GRIP1: variants seen among roughly 807,000 people sequenced by gnomAD.
GRIP1 encodes the protein glutamate receptor-interacting protein 1.
GRIP1 carries 45 observed loss-of-function variants against 129.9 expected under a neutral mutation model. The ratio of observed to expected loss-of-function variants is 0.35; its 90% CI spans 0.27 to 0.44. The LOEUF (loss-of-function observed/expected upper bound fraction) is 0.44, where lower values mean the gene tolerates loss of function less well. GRIP1 is among the 20% of genes least tolerant of loss of function. The probability of loss-of-function intolerance (pLI) is 1.00; values close to 1 mark genes in which losing one functional copy is unlikely to be tolerated. For synonymous variants in GRIP1, 530 were observed against 520.8 expected (o/e 1.02, Z -0.24); for missense variants, 1,196 against 1,396.8 (o/e 0.86, Z 2.29).
Position 66,954,845 on chromosome 12 carries a change from G to C in GRIP1, c.58+114205C>G, listed in dbSNP as rs576011928. On this transcript the variant is annotated intron_variant, in intron 1 of 1. Coordinates refer to the GRIP1 transcript ENST00000643019. ...TTTATTAGAAGGAGATACGTGCTAT[G>C]GGGGAGGCAGTGGGGGTGCAAGGAG... 6.4e-4 allele frequency among the ~76,000 whole-genome samples: 97 copies of C among 152,172 alleles called. 1 individual carries two copies. Among genetic ancestry groups the C allele is most frequent in the Non-Finnish European group, 1.1e-3 (75 of 68,008 alleles).
chr12:66,899,194 C>T (rs905818219), intron 1 of GRIP1, among the ~76,000 whole-genome samples: 4 of 152,006 alleles, frequency 2.6e-5, no homozygotes, highest in Non-Finnish European at 5.9e-5. Flanking sequence ...TTAGCAGTCC[C>T]ATAGAAAGTT....
At chr12:67,019,050 A>G (rs1369562650) in intron 1 of GRIP1, among the ~76,000 whole-genome samples, 1 of 152,158 alleles carries the variant, frequency 6.6e-6, no homozygotes, top group African/African-American at 2.4e-5. Flanking sequence ...AGGTTTTTTC[A>G]CAAAACAGGT....
intron 7 of GRIP1, among the ~76,000 whole-genome samples, chr12:66,480,371 T>C (rs1279885865): frequency 1.3e-5 from 2 of 152,128 alleles, no homozygotes; most frequent in Non-Finnish European, 2.9e-5. Flanking sequence ...GAAGGACCTC[T>C]TCAAGGAGAA....
At chr12:66,831,866 T>C (rs1216975536) in intron 1 of GRIP1, among the ~76,000 whole-genome samples, 1 of 152,216 alleles carries the variant, frequency 6.6e-6, no homozygotes, top group Non-Finnish European at 1.5e-5. Flanking sequence ...TAAAAACTAA[T>C]TGAGTTACAC....
chr12:66,697,978 A>C (rs759048694), intron 1 of GRIP1, among the ~76,000 whole-genome samples: 5 of 152,220 alleles, frequency 3.3e-5, no homozygotes, highest in Non-Finnish European at 5.9e-5. Context: ...TGTATTCTAC[A>C]ACTAGAAAAA....
At chr12:66,760,475 C>T (rs757546354) in intron 1 of GRIP1, among the ~76,000 whole-genome samples, 1 of 152,120 alleles carries the variant, frequency 6.6e-6, no homozygotes, top group Non-Finnish European at 1.5e-5. Context: ...GCACTTCTTA[C>T]GTGGCGGTGG....
chr12:66,749,814 A>C (rs1394372800), intron 1 of GRIP1, among the ~76,000 whole-genome samples: 1 of 152,174 alleles, frequency 6.6e-6, no homozygotes, highest in Admixed American at 6.6e-5. Flanking sequence ...AATTCCCCGG[A>C]GATGTCAGAG....
At chr12:66,962,022 C>T (rs1224575743) in intron 1 of GRIP1, among the ~76,000 whole-genome samples, 1 of 152,052 alleles carries the variant, frequency 6.6e-6, no homozygotes, top group Non-Finnish European at 1.5e-5. Flanking sequence ...CATAAATAGG[C>T]CAGTTTTGCC....
At chr12:66,623,003 C>T (rs2065342637) in intron 1 of GRIP1, among the ~76,000 whole-genome samples, 1 of 152,144 alleles carries the variant, frequency 6.6e-6, no homozygotes, top group Admixed American at 6.6e-5. Flanking sequence ...TCCATGAGGA[C>T]ATTGAGCATG....
intron 16 of GRIP1, among the ~76,000 whole-genome samples, chr12:66,398,625 A>G (rs987292001): frequency 6.6e-6 from 1 of 151,954 alleles, no homozygotes; most frequent in African/African-American, 2.4e-5. Context: ...CATTCTTCTG[A>G]TGTTTCTAAA....
At chr12:67,016,158 G>A (rs1393534827) in intron 1 of GRIP1, among the ~76,000 whole-genome samples, 1 of 152,168 alleles carries the variant, frequency 6.6e-6, no homozygotes, top group Non-Finnish European at 1.5e-5. Context: ...AAAACACTCT[G>A]CTTCATAGCC....
At chr12:66,827,804 T>A (rs889865950) in intron 1 of GRIP1, among the ~76,000 whole-genome samples, 2 of 152,244 alleles carry the variant, frequency 1.3e-5, no homozygotes, top group African/African-American at 4.8e-5. Context: ...TTGAAATTAC[T>A]GCAAAAATTA....
chr12:67,042,698 GA>G (rs1327217250), intron 1 of GRIP1, among the ~76,000 whole-genome samples: 1 of 152,154 alleles, frequency 6.6e-6, no homozygotes, highest in Non-Finnish European at 1.5e-5. Context: ...CAGGACTGAG[GA>G]CAATTTAGTG....
chr12:66,995,235 A>G (rs2135661111), intron 1 of GRIP1, among the ~76,000 whole-genome samples: 1 of 152,174 alleles, frequency 6.6e-6, no homozygotes, highest in East Asian at 1.9e-4. Context: ...AGCTAAAACT[A>G]TAAAACTCAT....
intron 1 of GRIP1, among the ~76,000 whole-genome samples, chr12:66,892,574 T>G (rs1875834): frequency 0.4 from 60,410 of 151,410 alleles, 12,731 homozygotes; most frequent in East Asian, 0.67. Context: ...CTCTTTTCAT[T>G]TACTCACTTA....
At chr12:66,630,833 T>C (rs917951197) in intron 1 of GRIP1, among the ~76,000 whole-genome samples, 4 of 152,206 alleles carry the variant, frequency 2.6e-5, no homozygotes, top group South Asian at 2.1e-4. Flanking sequence ...TGAGATTACA[T>C]TGTAGAGAAG....
chr12:66,577,525 A>C (rs1232702580), intron 2 of GRIP1, among the ~76,000 whole-genome samples: 1 of 152,200 alleles, frequency 6.6e-6, no homozygotes, highest in Non-Finnish European at 1.5e-5. Context: ...ATCATTGTGT[A>C]AGGGTTGATT....
intron 1 of GRIP1, among the ~76,000 whole-genome samples, chr12:66,847,556 A>G (rs768585933): frequency 3.3e-5 from 5 of 152,198 alleles, no homozygotes; most frequent in Non-Finnish European, 7.3e-5. Context: ...TATCCATTAC[A>G]CATATAGTAC....
At chr12:66,923,467 C>T (rs1189131258) in intron 1 of GRIP1, among the ~76,000 whole-genome samples, 1 of 152,162 alleles carries the variant, frequency 6.6e-6, no homozygotes, top group African/African-American at 2.4e-5. Context: ...ATTCACTTTC[C>T]ACCATCACCT....
Sources: gnomAD v4.1 joint callset for allele counts (sites outside exome capture counted in the v4.1 genomes callset) on GRCh38, gnomAD v4.1.1 for gene constraint, MANE v1.5 for transcripts, NCBI Gene and HGNC (gene_info 2026-07-23, HGNC 2026-07-21) for gene names.